The following ANKRD52 variants were observed in gnomAD, a reference collection of about 807,000 sequenced individuals.
ANKRD52 encodes serine/threonine-protein phosphatase 6 regulatory ankyrin repeat subunit C.
In ANKRD52, 7 loss-of-function variants were observed where a neutral mutation model predicts 116.0. The observed-to-expected ratio is 0.06, with a 90% CI of 0.03 to 0.11. The LOEUF (loss-of-function observed/expected upper bound fraction) is 0.11. ANKRD52 is among the 10% of genes least tolerant of loss of function. The pLI, the probability that ANKRD52 is intolerant of heterozygous loss-of-function variation, is 1.00. For missense variants in ANKRD52, 839 were observed against 1,408.6 expected (o/e 0.60, Z 6.47); for synonymous variants, 528 against 578.1 (o/e 0.91, Z 1.24).
chr12:56,258,276 G>T lies in ANKRD52; in HGVS notation c.-7C>A. 1.3e-6 allele frequency: 2 copies of T among 1,578,230 alleles called. No homozygotes were observed. The highest frequency in any genetic ancestry group is 1.7e-6 in the Non-Finnish European group (2 of 1,165,694). ...TGATGCTGAGGATCCCCATGGCTCG[G>T]CCCGGGCTCCGTCCGCATCGAGCTC... On this transcript the variant is annotated 5_prime_UTR_variant, in exon 1 of 28. Coordinates refer to ENST00000267116, the MANE Select transcript of ANKRD52 (RefSeq NM_173595.4).
rs745697113 is a variant in ANKRD52, at chr12:56,257,841, T to A, written c.98A>T (p.Asn33Ile). 2 of 1,613,692 alleles carry A rather than the reference T, an allele frequency of 1.2e-6. No individual in the cohort carries two copies. Among genetic ancestry groups the A allele is most frequent in the Non-Finnish European group, 1.7e-6 (2 of 1,179,842 alleles). Residue 33 changes from asparagine (N) to isoleucine (I), a missense_variant, in exon 2 of 28, where the codon AAC (asparagine) becomes ATC (isoleucine). Physicochemically the swap from Asn to Ile is moderately radical, Grantham distance 149. This residue lies in a region of ANKRD52 where 287 missense variants were observed against 598.1 expected (regional missense o/e 0.48). Transcript: ENST00000267116. ...CTCCCAACTCACCAGCACATTGATG[T>A]TCTCCTTCTGCGAGAGTAGGGAACG... ...EVRSLLSQKE[N>I]INVLDQERRT...
rs1378968244 is a variant in ANKRD52, at chr12:56,248,957, G to T, written c.1593-87C>A. On this transcript the variant is annotated intron_variant, in intron 15 of 27. Transcript: ENST00000267116. This position sits in a 1 kb window ranked among gnomAD's most constrained non-coding sequence, Gnocchi z 5.1. ...GGGAGGGCCAGAGGAGAGGACCAAGGCCCTCCAGGCCTACCTGGCCGCCAC... is the reference window on the plus strand; with the variant it reads ...GGGAGGGCCAGAGGAGAGGACCAAGTCCCTCCAGGCCTACCTGGCCGCCAC... 2.2e-6 allele frequency: 2 copies of T among 912,040 alleles called. No individual in the cohort carries two copies. Among genetic ancestry groups the T allele is most frequent in the Non-Finnish European group, 1.6e-6 (1 of 612,524 alleles). The allele number at this position is 912,040 out of a possible 1,614,324, so 56.5% of individuals were successfully genotyped here. A position where few individuals can be genotyped will look rare whatever the true frequency, so the allele number is the denominator to read the frequency against.
chr12:56,252,597 T>A lies in ANKRD52; in HGVS notation c.1302-27A>T. On this transcript the variant is annotated intron_variant, in intron 12 of 27. Coordinates refer to ENST00000267116, the MANE Select transcript of ANKRD52 (RefSeq NM_173595.4). The surrounding 1 kb of genome is among the most constrained non-coding windows in gnomAD (Gnocchi z 4.7). ...TAAAAGAAAGATGTGTTAAGAGAGT[T>A]ACAGCCTCAAAGGGAAGCCACAGGC... is the stretch of plus-strand genomic sequence containing the variant. The A allele has an allele frequency of 6.2e-7, 1 of 1,610,676 alleles. No individual in the cohort carries two copies. The highest frequency in any genetic ancestry group is 8.5e-7 in the Non-Finnish European group (1 of 1,177,272).
intron 15 of ANKRD52, among the ~76,000 whole-genome samples, chr12:56,250,502 C>T (rs1871637034): frequency 6.6e-6 from 1 of 151,560 alleles, no homozygotes; most frequent in South Asian, 2.1e-4. Flanking sequence ...TTACCTGCAC[C>T]TGCCTCCTGA....
rs949916723 is a variant in ANKRD52 at position 56,255,051 on chromosome 12, T to A, written c.463-99A>T. 2.9e-4 allele frequency: 366 copies of A among 1,277,156 alleles called. 2 individuals are homozygous for A. The highest frequency in any genetic ancestry group is 6.0e-5 in the Non-Finnish European group (54 of 897,834). The allele number at this position is 1,277,156 out of a possible 1,614,324, so 79.1% of individuals were successfully genotyped here. A position where few individuals can be genotyped will look rare whatever the true frequency, so the allele number is the denominator to read the frequency against. On this transcript the variant is annotated intron_variant, in intron 5 of 27. Coordinates refer to ENST00000267116, the MANE Select transcript of ANKRD52 (RefSeq NM_173595.4). The surrounding 1 kb of genome is among the most constrained non-coding windows in gnomAD (Gnocchi z 4.3). ...ATCTCCTGAAAAGGCTGAGGCAGCCTAATGCCTTTTTCCATGAGCAAAACA... is the reference window on the plus strand; with the variant it reads ...ATCTCCTGAAAAGGCTGAGGCAGCCAAATGCCTTTTTCCATGAGCAAAACA...
At chr12:56,249,350 T>TTAG (rs1871575326) in intron 15 of ANKRD52, among the ~76,000 whole-genome samples, 1 of 152,192 alleles carries the variant, frequency 6.6e-6, no homozygotes, top group South Asian at 2.1e-4. Flanking sequence ...TTCTCATACC[T>TTAG]TAGTAGTAGT....
chr12:56,250,734 TAAAAAAA>T (rs60547094), intron 15 of ANKRD52, among the ~76,000 whole-genome samples: 1 of 120,032 alleles, frequency 8.3e-6, no homozygotes, highest in African/African-American at 3.1e-5. Context: ...ATAAATTAAT[TAAAAAAA>T]AAAAAAAAGA....
intron 20 of ANKRD52, among the ~76,000 whole-genome samples, chr12:56,247,134 CAGG>C (rs1264608000): frequency 1.3e-5 from 2 of 150,596 alleles, no homozygotes; most frequent in Non-Finnish European, 3.0e-5. Context: ...CACTTGAACC[CAGG>C]AGTTCAAGAC....
Position 56,252,256 on chromosome 12 carries a change from G to C in ANKRD52, c.1430C>G (p.Thr477Ser). The C allele has an allele frequency of 1.9e-6, 3 of 1,614,026 alleles. No individual in the cohort carries two copies. The highest frequency in any genetic ancestry group is 2.5e-6 in the Non-Finnish European group (3 of 1,179,902). ...GGCCTCGTTGACACCTGCCCCAGCAGTCACCAATGTTACTGCACACTGGTA... is the reference window on the plus strand; with the variant it reads ...GGCCTCGTTGACACCTGCCCCAGCACTCACCAATGTTACTGCACACTGGTA... The part of the protein sequence containing the change: ...GSYQCAVTLV[T>S]AGAGVNEADC... Residue 477 changes from threonine to serine, a missense_variant, in exon 14 of 28, where the codon ACT becomes AGT. Physicochemically the swap from Thr to Ser is moderately conservative, Grantham distance 58. This residue lies in a region of ANKRD52 where 552 missense variants were observed against 810.6 expected (regional missense o/e 0.68). Transcript: ENST00000267116. This position sits in a 1 kb window ranked among gnomAD's most constrained non-coding sequence, Gnocchi z 4.7.
intron 21 of ANKRD52, 76 bp downstream of exon 21, chr12:56,245,301 C>T: frequency 6.2e-7 from 1 of 1,602,382 alleles, no homozygotes; most frequent in South Asian, 1.1e-5. Flanking sequence ...CCAGGTCCCC[C>T]CCAACAACCC....
chr12:56,244,864 C>G lies in ANKRD52; in HGVS notation c.2576+42G>C. ...ATACTGCCCAAGCAGAAAGGGGAAG[C>G]CAGAGGCAACTGGGATTCTTCCCAA... On this transcript the variant is annotated intron_variant, in intron 23 of 27. Coordinates refer to ENST00000267116, the MANE Select transcript of ANKRD52 (RefSeq NM_173595.4). The surrounding 1 kb of genome is among the most constrained non-coding windows in gnomAD (Gnocchi z 4.9). 1 of 1,613,838 alleles carries G rather than the reference C, an allele frequency of 6.2e-7. No individual in the cohort carries two copies. Among genetic ancestry groups the G allele is most frequent in the Non-Finnish European group, 8.5e-7 (1 of 1,179,798 alleles).
Position 56,254,298 on chromosome 12 carries a change from G to C in ANKRD52, c.694-19C>G, listed in dbSNP as rs749736774. ...CATCGATCTGGATATTCAGGGGTGA[G>C]AGTAAGGTGGTATCAGTTTAAACAA... On this transcript the variant is annotated intron_variant, in intron 7 of 27. Coordinates refer to ENST00000267116, the MANE Select transcript of ANKRD52 (RefSeq NM_173595.4). This position sits in a 1 kb window ranked among gnomAD's most constrained non-coding sequence, Gnocchi z 4.6. The C allele has an allele frequency of 1.9e-6, 3 of 1,609,358 alleles. No homozygotes were observed. The highest frequency in any genetic ancestry group is 1.1e-5 in the South Asian group (1 of 90,852).
chr12:56,240,367 G>C lies in ANKRD52; in HGVS notation c.*2775C>G, dbSNP rs898718685. 1 of 152,108 alleles carries C rather than the reference G, an allele frequency of 6.6e-6. No individual in the cohort carries two copies. Among genetic ancestry groups the C allele is most frequent in the African/African-American group, 2.4e-5 (1 of 41,388 alleles). The allele number at this position is 152,108 out of a possible 1,614,324, so 9.4% of individuals were successfully genotyped here. On this transcript the variant is annotated 3_prime_UTR_variant, in exon 28 of 28. Transcript: ENST00000267116. This position sits in a 1 kb window ranked among gnomAD's most constrained non-coding sequence, Gnocchi z 4.2. ...CTGTCTCCTATGTCGCCCTCGCTCTGTTTCCTTTGCTGGGACCTGGGGCTG... is the reference window on the plus strand; with the variant it reads ...CTGTCTCCTATGTCGCCCTCGCTCTCTTTCCTTTGCTGGGACCTGGGGCTG...
chr12:56,253,874 T>A lies in ANKRD52; in HGVS notation c.907-74A>T. 6.7e-7 allele frequency: 1 copy of A among 1,500,912 alleles called. No homozygotes were observed. The highest frequency in any genetic ancestry group is 9.2e-7 in the Non-Finnish European group (1 of 1,082,344). The allele number at this position is 1,500,912 out of a possible 1,614,324, so 93.0% of individuals were successfully genotyped here. A position where few individuals can be genotyped will look rare whatever the true frequency, so the allele number is the denominator to read the frequency against. On this transcript the variant is annotated intron_variant, in intron 8 of 27. Transcript: ENST00000267116. The surrounding 1 kb of genome is among the most constrained non-coding windows in gnomAD (Gnocchi z 5.5). ...AGCACAGAGAATGCCCTACCTCCCT[T>A]CCAAGGACATATCTCTAAGGACAAA... is the stretch of plus-strand genomic sequence containing the variant.
rs999253129 is a variant in ANKRD52, at chr12:56,242,188, T to C, written c.*954A>G. ...CTCCCTCCATATACATGCAAACACA[T>C]GCCTGAAACACAGTGGACATACTAG... On this transcript the variant is annotated 3_prime_UTR_variant, in exon 28 of 28. Coordinates refer to ENST00000267116, the MANE Select transcript of ANKRD52 (RefSeq NM_173595.4). The surrounding 1 kb of genome is among the most constrained non-coding windows in gnomAD (Gnocchi z 4.3). 7.5e-6 allele frequency: 3 copies of C among 398,448 alleles called. No individual in the cohort carries two copies. Among genetic ancestry groups the C allele is most frequent in the Admixed American group, 4.4e-5 (1 of 22,710 alleles). The allele number at this position is 398,448 out of a possible 1,614,324, so 24.7% of individuals were successfully genotyped here.
In ANKRD52 at chr12:56,252,369, CA is replaced by C. The variant is rs749559480; in HGVS notation, c.1371-55del. On this transcript the variant is annotated intron_variant, in intron 13 of 27. Coordinates refer to ENST00000267116, the MANE Select transcript of ANKRD52 (RefSeq NM_173595.4). The surrounding 1 kb of genome is among the most constrained non-coding windows in gnomAD (Gnocchi z 4.7). The stretch of plus-strand genomic sequence containing the variant: ...AGAGAATCAGAGACAGATACGAATG[CA>C]ATCAGATGTGCAGCCAAATGCTGCT... 1.9e-6 allele frequency: 3 copies of C among 1,607,652 alleles called. No homozygotes were observed. Among genetic ancestry groups the C allele is most frequent in the Non-Finnish European group, 2.6e-6 (3 of 1,174,808 alleles).
Position 56,253,417 on chromosome 12 carries a change from A to AG in ANKRD52, c.986-16_986-15insC. The AG allele has an allele frequency of 6.3e-7, 1 of 1,597,096 alleles. No individual in the cohort carries two copies. The highest frequency in any genetic ancestry group is 8.6e-7 in the Non-Finnish European group (1 of 1,165,098). On this transcript the variant is annotated splice_polypyrimidine_tract_variant and intron_variant, in intron 9 of 27. Coordinates refer to ENST00000267116, the MANE Select transcript of ANKRD52 (RefSeq NM_173595.4). This position sits in a 1 kb window ranked among gnomAD's most constrained non-coding sequence, Gnocchi z 5.5. ...AATCTCGCTGCCTGTGAGGGGATGCACACACACAAGCTCAGGCAGACCTCA... is the reference window on the plus strand; with the variant it reads ...AATCTCGCTGCCTGTGAGGGGATGCAGCACACACAAGCTCAGGCAGACCTCA...
intron 4 of ANKRD52, among the ~76,000 whole-genome samples, 181 bp from the exon 5 acceptor site, chr12:56,256,165 C>T (rs1871942869): frequency 6.6e-6 from 1 of 152,182 alleles, no homozygotes; most frequent in South Asian, 2.1e-4. Flanking sequence ...CTTCTTAGAA[C>T]TTAAGCTCTT....
rs370582494 is a variant in ANKRD52, at chr12:56,245,372, A to T, written c.2404+5T>A. The T allele has an allele frequency of 1.3e-5, 21 of 1,609,992 alleles. No homozygotes were observed. The African/African-American group carries it at 2.7e-4, about 20-fold the overall frequency. On this transcript the variant is annotated splice_donor_5th_base_variant and intron_variant, in intron 21 of 27. Transcript: ENST00000267116. ...CCTGTGCCTGTGGAGGCCCCAGTCT[A>T]GTACCAGTGTAGGAGGCCCAGTGCA...
Sources: allele counts gnomAD v4.1 joint callset (sites outside exome capture counted in the v4.1 genomes callset), GRCh38; gene constraint gnomAD v4.1.1; regional missense constraint gnomAD v4.1.1; non-coding constraint Gnocchi (gnomAD v3.1); transcripts MANE v1.5; gene names NCBI Gene and HGNC (gene_info 2026-07-23, HGNC 2026-07-21).